ZC2HC1B: variants seen among roughly 807,000 people sequenced by gnomAD.
ZC2HC1B encodes the protein zinc finger C2HC domain-containing protein 1B.
In ZC2HC1B, 36 loss-of-function variants were observed where a neutral mutation model predicts 31.0. That is an observed-to-expected ratio of 1.16 (90% CI 0.89 to 1.54). The LOEUF is 1.54. Ranked by LOEUF, ZC2HC1B falls within the 40% of genes most tolerant of loss-of-function variation. ZC2HC1B has a pLI of 0.00. For missense variants in ZC2HC1B, 260 were observed against 268.6 expected (o/e 0.97, Z 0.22); for synonymous variants, 73 against 88.0 (o/e 0.83, Z 0.95).
chr6:143,914,761 A>G (rs1466734758), intron 6 of ZC2HC1B, among the ~76,000 whole-genome samples: 2 of 152,050 alleles, frequency 1.3e-5, no homozygotes, highest in Non-Finnish European at 1.5e-5. Flanking sequence ...TGTGTCTTGT[A>G]ATCTTTTTTG....
intron 6 of ZC2HC1B, among the ~76,000 whole-genome samples, chr6:143,919,997 G>GT: frequency 6.6e-6 from 1 of 151,718 alleles, no homozygotes; most frequent in East Asian, 2.0e-4. Context: ...CTAGTTTTCA[G>GT]TAAGAAAAAA....
In ZC2HC1B at chr6:143,915,434, G is replaced by C. The variant is rs1194261657; in HGVS notation, c.598+12282G>C. On this transcript the variant is annotated intron_variant, in intron 6 of 7. Coordinates refer to ENST00000237275, the MANE Select transcript of ZC2HC1B (RefSeq NM_001013623.3). This position sits in a 1 kb window ranked among gnomAD's most constrained non-coding sequence, Gnocchi z 5.2. ...TGAAAACAGACGAATACAGTAAATTGGTACCAGTAGAGTGGGGCGCTGCTG... is the reference window on the plus strand; with the variant it reads ...TGAAAACAGACGAATACAGTAAATTCGTACCAGTAGAGTGGGGCGCTGCTG... 6.6e-6 allele frequency among the ~76,000 whole-genome samples: 1 copy of C among 152,170 alleles called. No homozygotes were observed. The highest frequency in any genetic ancestry group is 2.4e-5 in the African/African-American group (1 of 41,434).
rs1777487941 is a variant in ZC2HC1B, at chr6:143,883,031, C to T, written c.29-1273C>T. On this transcript the variant is annotated intron_variant, in intron 1 of 7. Transcript: ENST00000237275. This position sits in a 1 kb window ranked among gnomAD's most constrained non-coding sequence, Gnocchi z 4.1. ...TTTCCTTTCCATTTCAGGCCTCCAC[C>T]TTCAGCTTTTTTGTGTGTAAGTGGG... Among the ~76,000 whole-genome samples the T allele has an allele frequency of 6.6e-6, 1 of 152,028 alleles. No homozygotes were observed. Among genetic ancestry groups the T allele is most frequent in the Non-Finnish European group, 1.5e-5 (1 of 67,998 alleles).
rs2128496392 is a variant in ZC2HC1B at position 143,915,486 on chromosome 6, A to G, written c.598+12334A>G. Among the ~76,000 whole-genome samples the G allele has an allele frequency of 6.6e-6, 1 of 152,346 alleles. No homozygotes were observed. Among genetic ancestry groups the G allele is most frequent in the African/African-American group, 2.4e-5 (1 of 41,588 alleles). On this transcript the variant is annotated intron_variant, in intron 6 of 7. Transcript: ENST00000237275. The surrounding 1 kb of genome is among the most constrained non-coding windows in gnomAD (Gnocchi z 5.2). ...AAAGATATCTGAAAATGTGGAAGTG[A>G]CTTTGGAACAGGGTAACAGGCAGAG...
chr6:143,937,554 A>C, intron 6 of ZC2HC1B, 95 bp from the exon 7 acceptor site: 1 of 1,136,764 alleles, frequency 8.8e-7, no homozygotes, highest in African/African-American at 1.6e-5. Flanking sequence ...AAGAATAGAA[A>C]CTTTTGAACC....
In ZC2HC1B at chr6:143,883,885, G is replaced by T. The variant is rs1777499553; in HGVS notation, c.29-419G>T. 6.6e-6 allele frequency among the ~76,000 whole-genome samples: 1 copy of T among 152,144 alleles called. No individual in the cohort carries two copies. The highest frequency in any genetic ancestry group is 1.5e-5 in the Non-Finnish European group (1 of 68,040). On this transcript the variant is annotated intron_variant, in intron 1 of 7. Transcript: ENST00000237275. The surrounding 1 kb of genome is among the most constrained non-coding windows in gnomAD (Gnocchi z 4.1). Reference sequence around the variant, plus strand: ...ACTATGGGTCAAGTACTTGCATTGGGCATAAAATAGGCACAGTCTCAGCTT... The same window carrying T: ...ACTATGGGTCAAGTACTTGCATTGGTCATAAAATAGGCACAGTCTCAGCTT...
chr6:143,925,788 G>A (rs1301239331), intron 6 of ZC2HC1B, among the ~76,000 whole-genome samples: 1 of 152,014 alleles, frequency 6.6e-6, no homozygotes, highest in East Asian at 1.9e-4. Context: ...GCCCACCTTG[G>A]CCTCCCAAAG....
intron 5 of ZC2HC1B, among the ~76,000 whole-genome samples, chr6:143,901,259 T>C (rs1777735205): frequency 8.1e-6 from 1 of 123,304 alleles, no homozygotes. Context: ...CCTTTTTTTT[T>C]TTTTTTTTTT....
chr6:143,867,069 T>A (rs1046125568), intron 1 of ZC2HC1B, among the ~76,000 whole-genome samples: 2 of 152,206 alleles, frequency 1.3e-5, no homozygotes, highest in African/African-American at 4.8e-5. Context: ...ATTTAAAATA[T>A]TGCAAAAAGT....
chr6:143,898,468 C>A (rs1054238346), intron 4 of ZC2HC1B, 84 bp from the exon 5 acceptor site: 16 of 1,457,992 alleles, frequency 1.1e-5, no homozygotes, highest in Non-Finnish European at 1.5e-5. Flanking sequence ...TATTTCACTT[C>A]ATGTAGTTCA....
rs1467629487 is a variant in ZC2HC1B, at chr6:143,885,985, CTGAT to C, written c.91-44_91-41del. 3 of 1,471,172 alleles carry C rather than the reference CTGAT, an allele frequency of 2.0e-6. No individual in the cohort carries two copies. The highest frequency in any genetic ancestry group is 1.8e-6 in the Non-Finnish European group (2 of 1,112,200). The allele number at this position is 1,471,172 out of a possible 1,614,324, so 91.1% of individuals were successfully genotyped here. A position where few individuals can be genotyped will look rare whatever the true frequency, so the allele number is the denominator to read the frequency against. ...TCTAGGTACACCTAGGCATTAAAAA[CTGAT>C]TGTGCACTTTAGAAATTCCAATCCC... On this transcript the variant is annotated intron_variant, in intron 2 of 7. Transcript: ENST00000237275. The surrounding 1 kb of genome is among the most constrained non-coding windows in gnomAD (Gnocchi z 4.2).
At chr6:143,880,996 A>C (rs1777459851) in intron 1 of ZC2HC1B, among the ~76,000 whole-genome samples, 2 of 152,194 alleles carry the variant, frequency 1.3e-5, no homozygotes. Flanking sequence ...GATAACACGC[A>C]GAACCACCTC....
chr6:143,901,214 G>A (rs1285541444), intron 5 of ZC2HC1B, among the ~76,000 whole-genome samples: 4 of 144,628 alleles, frequency 2.8e-5, no homozygotes, highest in Non-Finnish European at 6.0e-5. Context: ...ACAGTCAGTA[G>A]TCAGGGTTTG....
rs527242593 is a variant in ZC2HC1B at position 143,898,680 on chromosome 6, T to C, written c.478T>C (p.Ser160Pro). The change falls in exon 5 of 8, where the codon TCC (serine) becomes CCC (proline). Residue 160 changes from serine (S) to proline (P), a missense_variant. By Grantham distance (74) the Ser-to-Pro change is moderately conservative (BLOSUM62 -1). Coordinates refer to ENST00000237275, the MANE Select transcript of ZC2HC1B (RefSeq NM_001013623.3). ...AGCTCAGACAGCAGCCAAATTGGCA[T>C]CCAGAGCTCAGGTAACTATCTCTCC... Reference protein sequence around the residue: ...NPAQTAAKLASRAQGRAQMGP... With the variant: ...NPAQTAAKLAPRAQGRAQMGP... The C allele has an allele frequency of 1.9e-6, 3 of 1,552,136 alleles. No homozygotes were observed. The South Asian group carries it at 3.6e-5, about 18-fold the overall frequency.
In ZC2HC1B at chr6:143,913,674, C is replaced by T. The variant is rs777492500; in HGVS notation, c.598+10522C>T. Among the ~76,000 whole-genome samples, 1 of 152,202 alleles carries T rather than the reference C, an allele frequency of 6.6e-6. No homozygotes were observed. Among genetic ancestry groups the T allele is most frequent in the African/African-American group, 2.4e-5 (1 of 41,458 alleles). On this transcript the variant is annotated intron_variant, in intron 6 of 7. Coordinates refer to ENST00000237275, the MANE Select transcript of ZC2HC1B (RefSeq NM_001013623.3). The surrounding 1 kb of genome is among the most constrained non-coding windows in gnomAD (Gnocchi z 5.7). ...AGTTCTATGTGACAGATCCAAGGCTCTGGTGGCATAGGCTCACAAGGGGAT... is the reference window on the plus strand; with the variant it reads ...AGTTCTATGTGACAGATCCAAGGCTTTGGTGGCATAGGCTCACAAGGGGAT...
chr6:143,931,377 TTTG>T (rs986103690), intron 6 of ZC2HC1B, among the ~76,000 whole-genome samples: 1 of 152,226 alleles, frequency 6.6e-6, no homozygotes, highest in African/African-American at 2.4e-5. Flanking sequence ...TTGTGGGTTT[TTTG>T]TTGTTGTTTG....
Position 143,871,235 on chromosome 6 carries a change from A to T in ZC2HC1B, c.28+6668A>T, listed in dbSNP as rs945360300. On this transcript the variant is annotated intron_variant, in intron 1 of 7. Coordinates refer to ENST00000237275, the MANE Select transcript of ZC2HC1B (RefSeq NM_001013623.3). This position sits in a 1 kb window ranked among gnomAD's most constrained non-coding sequence, Gnocchi z 4.1. ...GTGTTTACTACTTCTTGCTCACTGG[A>T]TCCAGTCAGCATAATGTCATCAATG... is the stretch of plus-strand genomic sequence containing the variant. Among the ~76,000 whole-genome samples, 1 of 152,172 alleles carries T rather than the reference A, an allele frequency of 6.6e-6. No homozygotes were observed. Among genetic ancestry groups the T allele is most frequent in the Non-Finnish European group, 1.5e-5 (1 of 68,034 alleles).
rs911139098 is a variant in ZC2HC1B at position 143,933,237 on chromosome 6, TA to T, written c.599-4411del. 4.7e-4 allele frequency among the ~76,000 whole-genome samples: 72 copies of T among 152,296 alleles called. No individual in the cohort carries two copies. The highest frequency in any genetic ancestry group is 1.7e-3 in the African/African-American group (70 of 41,572). ...CTTCATTAGAGCAGGGTTGTTCTGT[TA>T]TGAGTTGCTATAATGTTCTGAGTTG... On this transcript the variant is annotated intron_variant, in intron 6 of 7. Coordinates refer to ENST00000237275, the MANE Select transcript of ZC2HC1B (RefSeq NM_001013623.3). This position sits in a 1 kb window ranked among gnomAD's most constrained non-coding sequence, Gnocchi z 6.4.
intron 6 of ZC2HC1B, among the ~76,000 whole-genome samples, chr6:143,906,977 T>A (rs1044641275): frequency 2.0e-5 from 3 of 152,158 alleles, no homozygotes; most frequent in Admixed American, 2.0e-4. Context: ...TTCTCCACTA[T>A]GTGTCCATGT....
Sources: allele counts gnomAD v4.1 joint callset (sites outside exome capture counted in the v4.1 genomes callset), GRCh38; gene constraint gnomAD v4.1.1; non-coding constraint Gnocchi (gnomAD v3.1); transcripts MANE v1.5; gene names NCBI Gene and HGNC (gene_info 2026-07-23, HGNC 2026-07-21).